The following WWOX variants were observed in gnomAD, a reference collection of about 807,000 sequenced individuals.
WWOX encodes the protein WW domain-containing oxidoreductase.
WWOX carries 69 observed loss-of-function variants against 46.2 expected under a neutral mutation model. The ratio of observed to expected loss-of-function variants is 1.49; its 90% CI spans 1.23 to 1.82. The LOEUF is 1.82. Ranked by LOEUF, WWOX falls within the 40% of genes most tolerant of loss-of-function variation. The pLI is 0.00. For missense variants in WWOX, 919 were observed against 542.6 expected (o/e 1.69, Z -6.89); for synonymous variants, 359 against 202.6 (o/e 1.77, Z -6.56).
At chr16:78,378,819 C>T (rs4887962) in intron 5 of WWOX, among the ~76,000 whole-genome samples, 60,273 of 152,148 alleles carry the variant, frequency 0.4, 15,565 homozygotes, top group Non-Finnish European at 0.58. Context: ...TCTCCTTCAG[C>T]GGTAACACTT....
chr16:78,231,918 T>G (rs1049002030), intron 5 of WWOX, among the ~76,000 whole-genome samples: 1 of 151,954 alleles, frequency 6.6e-6, no homozygotes, highest in African/African-American at 2.4e-5. Context: ...TCCTGCACAA[T>G]ATGGAATTCA....
intron 8 of WWOX, among the ~76,000 whole-genome samples, chr16:78,615,139 T>G (rs2151635568): frequency 6.6e-6 from 1 of 152,334 alleles, no homozygotes; most frequent in South Asian, 2.1e-4. Flanking sequence ...TTTAGCTAAA[T>G]TAAAATACTC....
intron 5 of WWOX, among the ~76,000 whole-genome samples, chr16:78,218,132 G>A (rs1248336306): frequency 1.3e-5 from 2 of 152,012 alleles, no homozygotes; most frequent in African/African-American, 2.4e-5. Flanking sequence ...ACAGCTCACT[G>A]CAGCCTGTAA....
At chr16:78,393,349 CT>C (rs568119788) in intron 6 of WWOX, among the ~76,000 whole-genome samples, 166 of 152,270 alleles carry the variant, frequency 1.1e-3, no homozygotes, top group African/African-American at 3.9e-3. Flanking sequence ...CTCTGTAATA[CT>C]TTTTCTTCTT....
At chr16:78,476,583 T>A (rs1597139034) in intron 8 of WWOX, among the ~76,000 whole-genome samples, 1 of 150,708 alleles carries the variant, frequency 6.6e-6, no homozygotes, top group South Asian at 2.1e-4. Context: ...TGTGCACATG[T>A]ACCCTAGAAC....
chr16:78,360,610 T>A (rs1444247965), intron 5 of WWOX, among the ~76,000 whole-genome samples: 90 of 68,738 alleles, frequency 1.3e-3, no homozygotes, highest in African/African-American at 1.8e-3. Flanking sequence ...GTTGCAGAAA[T>A]AGCAATATTT....
At chr16:79,000,672 A>G (rs2047075692) in intron 8 of WWOX, among the ~76,000 whole-genome samples, 1 of 152,212 alleles carries the variant, frequency 6.6e-6, no homozygotes, top group African/African-American at 2.4e-5. Context: ...ATTTTAGCAC[A>G]GTGATACCCA....
chr16:79,091,841 T>C (rs368806904), intron 8 of WWOX, among the ~76,000 whole-genome samples: 1 of 138,326 alleles, frequency 7.2e-6, no homozygotes, highest in African/African-American at 2.8e-5. Context: ...AGAGCAGTGG[T>C]ATTATCTGGG....
At chr16:78,511,820 G>T (rs545759867) in intron 8 of WWOX, among the ~76,000 whole-genome samples, 1 of 152,180 alleles carries the variant, frequency 6.6e-6, no homozygotes, top group Non-Finnish European at 1.5e-5. Flanking sequence ...GATGGCTTTT[G>T]TCAGAAGGGT....
intron 4 of WWOX, among the ~76,000 whole-genome samples, chr16:78,134,274 T>C (rs900467187): frequency 6.6e-6 from 1 of 152,198 alleles, no homozygotes; most frequent in Admixed American, 6.5e-5. Context: ...GAAGTCTTTC[T>C]TTAGAAATTT....
At chr16:78,828,599 T>C (rs1310771496) in intron 8 of WWOX, among the ~76,000 whole-genome samples, 3 of 152,110 alleles carry the variant, frequency 2.0e-5, no homozygotes, top group East Asian at 1.9e-4. Flanking sequence ...CCAAATTCTA[T>C]CGGACACATG....
In WWOX at chr16:78,431,962, C is replaced by T. The variant is rs958090056; in HGVS notation, c.792-526C>T. On this transcript the variant is annotated intron_variant, in intron 7 of 8. Transcript: ENST00000566780. ...AACTCCTACACTCAAGCAATCCTCCCGCCTCAGCTTCCTAAAGTGCTGGGA... is the reference window on the plus strand; with the variant it reads ...AACTCCTACACTCAAGCAATCCTCCTGCCTCAGCTTCCTAAAGTGCTGGGA... Among the ~76,000 whole-genome samples the T allele has an allele frequency of 7.9e-5, 12 of 152,250 alleles. No homozygotes were observed. The East Asian group carries it at 1.5e-3, about 20-fold the overall frequency.
chr16:78,252,488 A>G (rs894691593), intron 5 of WWOX, among the ~76,000 whole-genome samples: 4 of 152,238 alleles, frequency 2.6e-5, no homozygotes, highest in African/African-American at 7.2e-5. Context: ...TCCCTTTTGA[A>G]TCATCCTTCT....
At chr16:78,637,162 C>G (rs2046592006) in intron 8 of WWOX, among the ~76,000 whole-genome samples, 1 of 152,184 alleles carries the variant, frequency 6.6e-6, no homozygotes, top group African/African-American at 2.4e-5. Flanking sequence ...ATATTCCTGT[C>G]TGTAATCCCG....
chr16:78,955,556 C>T (rs980410502), intron 8 of WWOX, among the ~76,000 whole-genome samples: 1 of 152,152 alleles, frequency 6.6e-6, no homozygotes, highest in Non-Finnish European at 1.5e-5. Flanking sequence ...TTTTTAAAAC[C>T]AGCAAATCAT....
At chr16:78,298,944 TTTC>T (rs10607152) in intron 5 of WWOX, among the ~76,000 whole-genome samples, 26,612 of 152,062 alleles carry the variant, frequency 0.18, 2,490 homozygotes, top group South Asian at 0.27. Flanking sequence ...TATTTTCCCT[TTTC>T]TTCTTCTTCC....
rs567404053 is a variant in WWOX, at chr16:78,662,311, G to T, written c.1056+229559G>T. Among the ~76,000 whole-genome samples, 16 of 152,316 alleles carry T rather than the reference G, an allele frequency of 1.1e-4. No homozygotes were observed. In the East Asian group the frequency reaches 2.9e-3, roughly 28 times the overall value. ...AAGGTCACCAGGATTCACTGAGAGT[G>T]TTGGTCAGCATTTCATCTGCATATA... On this transcript the variant is annotated intron_variant, in intron 8 of 8. Transcript: ENST00000566780.
chr16:78,681,875 C>G (rs896746431), intron 8 of WWOX, among the ~76,000 whole-genome samples: 14 of 152,184 alleles, frequency 9.2e-5, no homozygotes, highest in Admixed American at 6.5e-4. Flanking sequence ...TAGAAAAACA[C>G]AAGTCTCGGG....
At chr16:78,440,478 G>A (rs2083419765) in intron 8 of WWOX, among the ~76,000 whole-genome samples, 1 of 152,136 alleles carries the variant, frequency 6.6e-6, no homozygotes, top group Non-Finnish European at 1.5e-5. Flanking sequence ...TGTTCTTTCA[G>A]AACAGCCAGT....
Sources: gnomAD v4.1 joint callset for allele counts (sites outside exome capture counted in the v4.1 genomes callset) on GRCh38, gnomAD v4.1.1 for gene constraint, MANE v1.5 for transcripts, NCBI Gene and HGNC (gene_info 2026-07-23, HGNC 2026-07-21) for gene names.